The following HMCN2 variants were observed in gnomAD, a reference collection of about 807,000 sequenced individuals.
HMCN2 encodes hemicentin-2.
In HMCN2, 325 loss-of-function variants were observed where a neutral mutation model predicts 377.5. The ratio of observed to expected loss-of-function variants is 0.86; its 90% CI spans 0.79 to 0.94. HMCN2 has a LOEUF of 0.94. Ranked by LOEUF, HMCN2 falls within the 40% of genes least tolerant of loss-of-function variation. The pLI, the probability that HMCN2 is intolerant of heterozygous loss-of-function variation, is 0.00. For synonymous variants in HMCN2, 2,007 were observed against 2,046.8 expected (o/e 0.98, Z 0.53); for missense variants, 4,543 against 4,725.3 (o/e 0.96, Z 1.13).
intron 1 of HMCN2, among the ~76,000 whole-genome samples, chr9:130,272,005 G>A (rs1834432926): frequency 6.7e-6 from 1 of 149,072 alleles, no homozygotes; most frequent in Non-Finnish European, 1.5e-5. Flanking sequence ...GAACCTCCAC[G>A]TCTAACAGTC....
At chr9:130,348,914 C>G in intron 27 of HMCN2, 70 bp from the exon 28 acceptor site, 1 of 1,266,574 alleles carries the variant, frequency 7.9e-7, no homozygotes, top group Non-Finnish European at 1.0e-6. Flanking sequence ...GCCTCAGTTT[C>G]CTCATTACTG....
At position 130,353,136 on chromosome 9, in the gene HMCN2, G is replaced by A. The variant is rs768194078; in HGVS notation, c.4795G>A (p.Gly1599Ser). The A allele has an allele frequency of 7.7e-6, 10 of 1,304,082 alleles. No homozygotes were observed. The highest frequency in any genetic ancestry group is 3.0e-5 in the African/African-American group (2 of 65,876). The allele number at this position is 1,304,082 out of a possible 1,614,324, so 80.8% of individuals were successfully genotyped here. The stretch of plus-strand genomic sequence containing the variant: ...GGGGAGGGCCCAGAGCTCCGATGCC[G>A]GCGTCTACACCTGCAAGGCCAGCAA... The part of the protein sequence containing the change: ...QLGRAQSSDA[G>S]VYTCKASNAV... Residue 1599 changes from glycine (G) to serine (S), a missense_variant, in exon 31 of 98, where the codon GGC (glycine) becomes AGC (serine). Gly to Ser is a moderately conservative substitution (Grantham distance 56). Transcript: ENST00000683500.
chr9:130,355,145 T>G (rs1588296191), intron 32 of HMCN2, 101 bp downstream of exon 32: 2 of 968,360 alleles, frequency 2.1e-6, no homozygotes, highest in Non-Finnish European at 2.7e-6. Context: ...GGAGGGAGGG[T>G]GGGGAGAAGT....
chr9:130,287,794 C>G (rs1835499978), intron 4 of HMCN2, among the ~76,000 whole-genome samples: 1 of 152,090 alleles, frequency 6.6e-6, no homozygotes, highest in African/African-American at 2.4e-5. Context: ...CCCTTGTGCT[C>G]AAGTCCCTGG....
rs1588399436 is a variant in HMCN2, at chr9:130,400,856, C to T, written c.11679C>T (p.His3893=). The change falls in exon 77 of 98, where the codon CAC becomes CAT. Residue 3893 remains histidine, a synonymous_variant. Coordinates refer to ENST00000683500, the MANE Select transcript of HMCN2 (RefSeq NM_001291815.2). ...TMMAPVVLTC[H]STGIPAPTVS... ...TGGCACCTGTGGTCCTCACATGTCA[C>T]AGCACGGGTATACCAGCTCCGACCG... The T allele has an allele frequency of 7.8e-7, 1 of 1,289,680 alleles. No homozygotes were observed. Among genetic ancestry groups the T allele is most frequent in the African/African-American group, 1.5e-5 (1 of 65,990 alleles). 79.9% of individuals were successfully genotyped at this position (1,289,680 alleles called of 1,614,324 possible). A position where few individuals can be genotyped will look rare whatever the true frequency, so the allele number is the denominator to read the frequency against.
chr9:130,271,465 T>G (rs1376737499), intron 1 of HMCN2, among the ~76,000 whole-genome samples: 1 of 149,314 alleles, frequency 6.7e-6, no homozygotes, highest in African/African-American at 2.4e-5. Flanking sequence ...TTTTATACTT[T>G]GTGTTATGAT....
chr9:130,354,912 G>C lies in HMCN2; in HGVS notation c.5014G>C (p.Glu1672Gln), dbSNP rs533169090. The change falls in exon 32 of 98, where the codon GAG becomes CAG. Residue 1672 changes from glutamate (E) to glutamine (Q), a missense_variant. By Grantham distance (29) the Glu-to-Gln change is conservative. This residue lies in a region of HMCN2 where 1,032 missense variants were observed against 1,285.1 expected (regional missense o/e 0.80). Coordinates refer to ENST00000683500, the MANE Select transcript of HMCN2 (RefSeq NM_001291815.2). ...HEGLPVAESN[E>Q]SRLETDGSVL... ...GGGGCTGCCCGTGGCAGAGAGCAAC[G>C]AGTCGCGGCTGGAGACAGACGGGAG... 7 of 1,304,140 alleles carry C rather than the reference G, an allele frequency of 5.4e-6. No individual in the cohort carries two copies. The Admixed American group carries it at 1.4e-4, about 26-fold the overall frequency. The allele number at this position is 1,304,140 out of a possible 1,614,324, so 80.8% of individuals were successfully genotyped here.
At position 130,398,666 on chromosome 9, in the gene HMCN2, C is replaced by T. The variant is rs1012533914; in HGVS notation, c.11442C>T (p.Asp3814=). The T allele has an allele frequency of 3.1e-6, 4 of 1,289,500 alleles. No individual in the cohort carries two copies. The highest frequency in any genetic ancestry group is 5.5e-5 in the East Asian group (1 of 18,022). The allele number at this position is 1,289,500 out of a possible 1,614,324, so 79.9% of individuals were successfully genotyped here. The stretch of plus-strand genomic sequence containing the variant: ...AGCCCCTGGTGGTCTGGTGGAAGGA[C>T]GGACAGAAGCTGGACTTCCGCCTGC... ...SPKPLVVWWK[D]GQKLDFRLQQ... Residue 3814 remains aspartate (D), a synonymous_variant, in exon 75 of 98, where the codon GAC becomes GAT. Coordinates refer to ENST00000683500, the MANE Select transcript of HMCN2 (RefSeq NM_001291815.2).
intron 55 of HMCN2, 73 bp downstream of exon 55, chr9:130,382,370 G>A (rs913387105): frequency 2.4e-5 from 14 of 593,570 alleles, no homozygotes; most frequent in African/African-American, 1.4e-4. Context: ...AGAAGGGGCC[G>A]AGGCAAAGTG....
chr9:130,340,045 G>C (rs1226926220), intron 23 of HMCN2, among the ~76,000 whole-genome samples: 1 of 152,256 alleles, frequency 6.6e-6, no homozygotes, highest in African/African-American at 2.4e-5. Context: ...GAGGGAGGGG[G>C]GCGACTCTGG....
At chr9:130,362,277 G>T (rs749825651) in intron 39 of HMCN2, 112 bp downstream of exon 39, 25 of 703,334 alleles carry the variant, frequency 3.6e-5, no homozygotes, top group Non-Finnish European at 4.2e-5. Context: ...GATAGCCCAG[G>T]GCCGAGGGCT....
In HMCN2 at chr9:130,306,266, A is replaced by G; in HGVS notation, c.1954A>G (p.Ser652Gly). 1 of 471,118 alleles carries G rather than the reference A, an allele frequency of 2.1e-6. No homozygotes were observed. The highest frequency in any genetic ancestry group is 1.5e-5 in the South Asian group (1 of 64,564). The allele number at this position is 471,118 out of a possible 1,614,324, so 29.2% of individuals were successfully genotyped here. ...TGAGAGCCAAGCCCTACAAGAGGAC[A>G]GCAGGTGAGGGGCCCAGGACACAAA... The part of the protein sequence containing the change: ...SRESQALQED[S>G]RIHVDAQGTL... Residue 652 changes from serine to glycine, a missense_variant, in exon 12 of 98, where the codon AGC becomes GGC. By Grantham distance (56) the Ser-to-Gly change is moderately conservative. Coordinates refer to ENST00000683500, the MANE Select transcript of HMCN2 (RefSeq NM_001291815.2).
Position 130,397,659 on chromosome 9 carries a change from G to T in HMCN2, c.11326+4G>T. ...GGCCGTGACCTACGGGTCTTGGGTAGGTGGCCTGGGGAAGGCCTTCAGTGT... is the reference window on the plus strand; with the variant it reads ...GGCCGTGACCTACGGGTCTTGGGTATGTGGCCTGGGGAAGGCCTTCAGTGT... On this transcript the variant is annotated splice_donor_region_variant and intron_variant, in intron 74 of 97. Coordinates refer to ENST00000683500, the MANE Select transcript of HMCN2 (RefSeq NM_001291815.2). The T allele has an allele frequency of 7.8e-7, 1 of 1,289,684 alleles. No individual in the cohort carries two copies. Among genetic ancestry groups the T allele is most frequent in the Non-Finnish European group, 1.0e-6 (1 of 988,800 alleles). 79.9% of individuals were successfully genotyped at this position (1,289,684 alleles called of 1,614,324 possible). A position where few individuals can be genotyped will look rare whatever the true frequency, so the allele number is the denominator to read the frequency against.
chr9:130,394,644 G>T lies in HMCN2; in HGVS notation c.10692+69G>T, dbSNP rs543007500. 1.6e-5 allele frequency: 19 copies of T among 1,165,590 alleles called. No individual in the cohort carries two copies. In the East Asian group the frequency reaches 1.1e-3, roughly 65 times the overall value. 72.2% of individuals were successfully genotyped at this position (1,165,590 alleles called of 1,614,324 possible). A position where few individuals can be genotyped will look rare whatever the true frequency, so the allele number is the denominator to read the frequency against. ...GAGGGGAGGGACTGCAGGTTCCCCAGACCCAGTGGGCAGTTGACAAAGTTG... is the reference window on the plus strand; with the variant it reads ...GAGGGGAGGGACTGCAGGTTCCCCATACCCAGTGGGCAGTTGACAAAGTTG... On this transcript the variant is annotated intron_variant, in intron 69 of 97. Coordinates refer to ENST00000683500, the MANE Select transcript of HMCN2 (RefSeq NM_001291815.2). This position sits in a 1 kb window ranked among gnomAD's most constrained non-coding sequence, Gnocchi z 5.1.
chr9:130,425,395 C>T (rs546069631), intron 89 of HMCN2, among the ~76,000 whole-genome samples: 1 of 152,152 alleles, frequency 6.6e-6, no homozygotes, highest in African/African-American at 2.4e-5. Context: ...AGGTGAGCTG[C>T]CTAGAGCAGC....
chr9:130,294,293 TA>T (rs1835984238), intron 4 of HMCN2, among the ~76,000 whole-genome samples: 1 of 152,202 alleles, frequency 6.6e-6, no homozygotes, highest in African/African-American at 2.4e-5. Flanking sequence ...TTAGAATGAA[TA>T]ATCAATTATA....
rs986733470 is a variant in HMCN2 at position 130,347,007 on chromosome 9, G to A, written c.3830-159G>A. Among the ~76,000 whole-genome samples, 3 of 152,152 alleles carry A rather than the reference G, an allele frequency of 2.0e-5. No homozygotes were observed. In the East Asian group the frequency reaches 5.8e-4, roughly 29 times the overall value. On this transcript the variant is annotated intron_variant, in intron 25 of 97. Coordinates refer to ENST00000683500, the MANE Select transcript of HMCN2 (RefSeq NM_001291815.2). The surrounding 1 kb of genome is among the most constrained non-coding windows in gnomAD (Gnocchi z 5.1). ...CGGGTGTGGGGGCTCCCACGGCTCC[G>A]AGGGAAATGCTCCTTCCAGCCTCGG... is the stretch of plus-strand genomic sequence containing the variant.
intron 82 of HMCN2, chr9:130,406,738 G>A (rs1488840698): frequency 1.9e-5 from 3 of 158,004 alleles, no homozygotes; most frequent in Admixed American, 1.8e-4. Flanking sequence ...ACCACTTCCT[G>A]GGGAGGGACC....
intron 14 of HMCN2, among the ~76,000 whole-genome samples, chr9:130,307,941 A>T (rs781894322): frequency 2.0e-5 from 3 of 151,834 alleles, no homozygotes; most frequent in Admixed American, 6.6e-5. Flanking sequence ...TTTATTTTTT[A>T]TTTTTTTGTT....
Sources: allele counts gnomAD v4.1 joint callset (sites outside exome capture counted in the v4.1 genomes callset), GRCh38; gene constraint gnomAD v4.1.1; regional missense constraint gnomAD v4.1.1; non-coding constraint Gnocchi (gnomAD v3.1); transcripts MANE v1.5; gene names NCBI Gene and HGNC (gene_info 2026-07-23, HGNC 2026-07-21).